SORCS1: variants seen among roughly 807,000 people sequenced by gnomAD.
SORCS1 encodes VPS10 domain-containing receptor SorCS1.
SORCS1 carries 60 observed loss-of-function variants against 146.1 expected under a neutral mutation model. The observed-to-expected ratio is 0.41, with a 90% CI of 0.33 to 0.51. The LOEUF is 0.51. Ranked by LOEUF, SORCS1 falls within the 20% of genes least tolerant of loss-of-function variation. The probability of loss-of-function intolerance (pLI) is 0.21; values close to 1 mark genes in which losing one functional copy is unlikely to be tolerated. For missense variants in SORCS1, 1,352 were observed against 1,487.6 expected (o/e 0.91, Z 1.50); for synonymous variants, 637 against 584.0 (o/e 1.09, Z -1.31).
rs138259859 is a variant in SORCS1, at chr10:106,803,152, G to A, written c.726+26422C>T. On this transcript the variant is annotated intron_variant, in intron 3 of 25. Transcript: ENST00000263054. ...ACGCAGACCTTGGGCCCAAACCTCT[G>A]CTCACCAAACCAAAATCAGCCAGCT... Among the ~76,000 whole-genome samples the A allele has an allele frequency of 6.3e-3, 955 of 152,150 alleles. 7 individuals are homozygous for A. The highest frequency in any genetic ancestry group is 0.022 in the African/African-American group (915 of 41,500).
At chr10:106,673,663 G>A (rs562140691) in intron 14 of SORCS1, among the ~76,000 whole-genome samples, 196 of 152,200 alleles carry the variant, frequency 1.3e-3, no homozygotes, top group African/African-American at 4.7e-3. Flanking sequence ...AGACTTCTAG[G>A]TTATCTTGCT....
At chr10:106,762,386 C>CTTTTTTTTTTTTTTTTTTT (rs869195563) in intron 4 of SORCS1, among the ~76,000 whole-genome samples, 1 of 73,828 alleles carries the variant, frequency 1.4e-5, no homozygotes, top group African/African-American at 5.8e-5. Flanking sequence ...TTTTATTATT[C>CTTTTTTTTTTTTTTTTTTT]TTTTTTTTTT....
intron 1 of SORCS1, among the ~76,000 whole-genome samples, chr10:107,077,377 T>C (rs1962978581): frequency 6.6e-6 from 1 of 152,088 alleles, no homozygotes; most frequent in African/African-American, 2.4e-5. Flanking sequence ...TACTATAAAC[T>C]CTTGCTATTC....
intron 18 of SORCS1, among the ~76,000 whole-genome samples, chr10:106,634,125 A>T (rs1225924170): frequency 6.6e-6 from 1 of 152,208 alleles, no homozygotes; most frequent in Non-Finnish European, 1.5e-5. Context: ...TTCATTGTGG[A>T]CTGAAGCATA....
intron 4 of SORCS1, among the ~76,000 whole-genome samples, chr10:106,772,469 A>T (rs1407371437): frequency 2.0e-5 from 3 of 149,014 alleles, no homozygotes; most frequent in African/African-American, 5.0e-5. Flanking sequence ...TCAATCAATC[A>T]ATCTCTCTCT....
At chr10:106,807,062 T>C (rs956428859) in intron 3 of SORCS1, among the ~76,000 whole-genome samples, 7 of 152,204 alleles carry the variant, frequency 4.6e-5, no homozygotes, top group African/African-American at 1.4e-4. Flanking sequence ...GGAAACCCAA[T>C]TAGTTTTCCC....
intron 5 of SORCS1, among the ~76,000 whole-genome samples, chr10:106,735,059 T>C (rs975281053): frequency 6.7e-6 from 1 of 149,566 alleles, no homozygotes; most frequent in African/African-American, 2.5e-5. Context: ...GGCAGGAAAA[T>C]CGCTTGAACC....
At chr10:106,577,884 G>T in intron 25 of SORCS1, 1 of 222,108 alleles carries the variant, frequency 4.5e-6, no homozygotes, top group Non-Finnish European at 8.9e-6. Flanking sequence ...TGTGAAAATC[G>T]GACACCAGAT....
chr10:107,129,182 T>C (rs1382753348), intron 1 of SORCS1, among the ~76,000 whole-genome samples: 2 of 152,228 alleles, frequency 1.3e-5, no homozygotes, highest in Non-Finnish European at 2.9e-5. Flanking sequence ...ACATGCATGA[T>C]AATAGCTGTC....
chr10:107,143,717 G>T (rs1968043607), intron 1 of SORCS1, among the ~76,000 whole-genome samples: 1 of 152,090 alleles, frequency 6.6e-6, no homozygotes, highest in Non-Finnish European at 1.5e-5. Flanking sequence ...TGTTGATCAG[G>T]CTAGTCTTGA....
chr10:107,061,816 C>T (rs898474957), intron 1 of SORCS1, among the ~76,000 whole-genome samples: 3 of 152,038 alleles, frequency 2.0e-5, no homozygotes, highest in Admixed American at 2.0e-4. Flanking sequence ...ATGAATGACT[C>T]ATTAAAAACT....
intron 1 of SORCS1, among the ~76,000 whole-genome samples, chr10:107,028,655 C>T (rs1236322015): frequency 6.6e-6 from 1 of 152,100 alleles, no homozygotes; most frequent in Non-Finnish European, 1.5e-5. Context: ...TCCTCAGGAA[C>T]CCCTTCATAA....
At chr10:106,680,584 C>G (rs1016467677) in intron 10 of SORCS1, among the ~76,000 whole-genome samples, 2 of 152,138 alleles carry the variant, frequency 1.3e-5, no homozygotes, top group Non-Finnish European at 2.9e-5. Context: ...CTTGTTTGTG[C>G]AGAAACCTCA....
At chr10:107,144,999 G>T (rs909706257) in intron 1 of SORCS1, among the ~76,000 whole-genome samples, 1 of 152,226 alleles carries the variant, frequency 6.6e-6, no homozygotes, top group African/African-American at 2.4e-5. Flanking sequence ...CCATCAGGAT[G>T]CATGGTGCTA....
chr10:106,599,500 T>A (rs1458092053), intron 23 of SORCS1, among the ~76,000 whole-genome samples: 1 of 152,020 alleles, frequency 6.6e-6, no homozygotes, highest in Non-Finnish European at 1.5e-5. Flanking sequence ...ATTGGCAGAG[T>A]CTTTATAGGA....
At chr10:106,841,352 C>A (rs1009492218) in intron 2 of SORCS1, among the ~76,000 whole-genome samples, 1 of 151,948 alleles carries the variant, frequency 6.6e-6, no homozygotes, top group Non-Finnish European at 1.5e-5. Flanking sequence ...CGCCTGTAAT[C>A]CCAGCTACTC....
In SORCS1 at chr10:106,854,243, C is replaced by T. The variant is rs570098591; in HGVS notation, c.627-24570G>A. 3.9e-5 allele frequency among the ~76,000 whole-genome samples: 6 copies of T among 152,054 alleles called. No individual in the cohort carries two copies. The East Asian group carries it at 7.7e-4, about 20-fold the overall frequency. On this transcript the variant is annotated intron_variant, in intron 2 of 25. Transcript: ENST00000263054. ...ATAATTTTCTTTGCTCTGAAATCTG[C>T]CCTGTGTAAAATTAATATAATGACT...
intron 3 of SORCS1, among the ~76,000 whole-genome samples, chr10:106,786,625 GA>G (rs1218589351): frequency 1.3e-5 from 2 of 151,838 alleles, no homozygotes; most frequent in African/African-American, 4.8e-5. Flanking sequence ...TTAATGGGAG[GA>G]AAAAAATAGA....
At chr10:106,707,534 C>CTAT (rs777621717) in intron 7 of SORCS1, among the ~76,000 whole-genome samples, 1 of 152,158 alleles carries the variant, frequency 6.6e-6, no homozygotes, top group Non-Finnish European at 1.5e-5. Context: ...AAATCTCACT[C>CTAT]TATTGCCCAG....
Sources: gnomAD v4.1 joint callset for allele counts (sites outside exome capture counted in the v4.1 genomes callset) on GRCh38, gnomAD v4.1.1 for gene constraint, MANE v1.5 for transcripts, NCBI Gene and HGNC (gene_info 2026-07-23, HGNC 2026-07-21) for gene names.